The following LARGE1 variants were observed in gnomAD, a reference collection of about 807,000 sequenced individuals.
LARGE1 encodes the protein LARGE xylosyl- and glucuronyltransferase 1.
In LARGE1, 43 loss-of-function variants were observed where a neutral mutation model predicts 87.6. The ratio of observed to expected loss-of-function variants is 0.49; its 90% CI spans 0.38 to 0.63. The LOEUF is 0.63. LARGE1 is among the 30% of genes least tolerant of loss of function. The pLI, the probability that LARGE1 is intolerant of heterozygous loss-of-function variation, is 0.00. For synonymous variants in LARGE1, 434 were observed against 394.6 expected, an observed-to-expected ratio of 1.10 and a Z score of -1.18; for missense variants, 802 against 1,000.2, an observed-to-expected ratio of 0.80 and a Z score of 2.67.
At chr22:33,753,771 G>C (rs1384030716) in intron 2 of LARGE1, among the ~76,000 whole-genome samples, 1 of 152,148 alleles carries the variant, frequency 6.6e-6, no homozygotes, top group African/African-American at 2.4e-5. Context: ...AAGAAAAGTA[G>C]AGGTCAGGTC....
At chr22:33,651,240 A>AAAAAAAAAAAAAAAAAAAAAAAAAAAC (rs1218968780) in intron 2 of LARGE1, among the ~76,000 whole-genome samples, 1 of 144,194 alleles carries the variant, frequency 6.9e-6, no homozygotes, top group Non-Finnish European at 1.5e-5. Context: ...AAAAAAAAAA[A>AAAAAAAAAAAAAAAAAAAAAAAAAAAC]AATTAGCCGG....
intron 6 of LARGE1, among the ~76,000 whole-genome samples, chr22:33,558,791 T>C (rs1210239541): frequency 1.3e-5 from 2 of 152,228 alleles, no homozygotes; most frequent in Non-Finnish European, 2.9e-5. Flanking sequence ...TACTTCAATG[T>C]TCTTCATGTT....
chr22:33,287,556 T>A (rs1931771292), intron 12 of LARGE1, among the ~76,000 whole-genome samples: 1 of 152,218 alleles, frequency 6.6e-6, no homozygotes, highest in South Asian at 2.1e-4. Context: ...GTACAAACTC[T>A]GAGCTCATCT....
At chr22:33,514,293 C>CAG (rs1229092101) in intron 6 of LARGE1, among the ~76,000 whole-genome samples, 3 of 151,738 alleles carry the variant, frequency 2.0e-5, no homozygotes, top group Non-Finnish European at 4.4e-5. Context: ...CACACACACA[C>CAG]ACACACACAC....
At chr22:33,546,711 G>A (rs1776906001) in intron 6 of LARGE1, among the ~76,000 whole-genome samples, 1 of 152,146 alleles carries the variant, frequency 6.6e-6, no homozygotes, top group South Asian at 2.1e-4. Flanking sequence ...AGCCTCCCAA[G>A]TAGCTGGGAC....
At chr22:33,655,584 A>G (rs1473990450) in intron 2 of LARGE1, among the ~76,000 whole-genome samples, 1 of 152,130 alleles carries the variant, frequency 6.6e-6, no homozygotes, top group Non-Finnish European at 1.5e-5. Context: ...TACAATAAAC[A>G]TAGCTGTATA....
chr22:33,206,859 T>C (rs1446312479), intron 11 of LARGE1, among the ~76,000 whole-genome samples: 1 of 152,230 alleles, frequency 6.6e-6, no homozygotes, highest in Non-Finnish European at 1.5e-5. Flanking sequence ...GCTCCTCCTT[T>C]CCTGCTGCTT....
At chr22:33,409,607 C>T (rs552212067) in intron 7 of LARGE1, among the ~76,000 whole-genome samples, 19 of 150,436 alleles carry the variant, frequency 1.3e-4, no homozygotes, top group African/African-American at 3.9e-4. Context: ...AATAATAAAA[C>T]GAAATCCACT....
chr22:33,173,674 AAG>A (rs1002230904), intron 11 of LARGE1, among the ~76,000 whole-genome samples: 6 of 152,138 alleles, frequency 3.9e-5, no homozygotes, highest in African/African-American at 7.2e-5. Flanking sequence ...GAAAAAAAAA[AAG>A]CAGGGGTTGC....
chr22:33,385,348 G>A (rs1349823533), intron 7 of LARGE1, among the ~76,000 whole-genome samples: 1 of 146,896 alleles, frequency 6.8e-6, no homozygotes, highest in Non-Finnish European at 1.5e-5. Flanking sequence ...GGCCAACATG[G>A]TGAAACCCCA....
intron 7 of LARGE1, among the ~76,000 whole-genome samples, chr22:33,427,539 G>C (rs1469064244): frequency 1.3e-5 from 2 of 152,200 alleles, no homozygotes; most frequent in African/African-American, 4.8e-5. Context: ...GATAATTCAA[G>C]GAATTAACAA....
intron 12 of LARGE1, 79 bp downstream of exon 12, chr22:33,304,150 C>T: frequency 1.3e-6 from 2 of 1,522,760 alleles, no homozygotes; most frequent in East Asian, 2.3e-5. Context: ...AGATGATGAC[C>T]CTAAGGGCCT....
intron 1 of LARGE1, among the ~76,000 whole-genome samples, chr22:33,812,444 C>T (rs1217777860): frequency 6.6e-6 from 1 of 152,238 alleles, no homozygotes; most frequent in Non-Finnish European, 1.5e-5. Flanking sequence ...TCTCTCTTTG[C>T]ATACTGCGGT....
intron 6 of LARGE1, among the ~76,000 whole-genome samples, chr22:33,518,520 GC>G (rs749702073): frequency 4.1e-4 from 63 of 152,336 alleles, no homozygotes; most frequent in Non-Finnish European, 6.2e-4. Context: ...TGTTGGCCAG[GC>G]TGATCTCGAA....
chr22:33,876,668 G>A (rs1438312938), intron 1 of LARGE1, among the ~76,000 whole-genome samples: 1 of 151,806 alleles, frequency 6.6e-6, no homozygotes, highest in Non-Finnish European at 1.5e-5. Flanking sequence ...TGCGGGGCTA[G>A]GGGAGGGAGA....
intron 6 of LARGE1, among the ~76,000 whole-genome samples, chr22:33,537,884 T>C (rs528162825): frequency 6.6e-6 from 1 of 152,168 alleles, no homozygotes; most frequent in Non-Finnish European, 1.5e-5. Context: ...TACAGGGTAC[T>C]TTTTTACAGG....
chr22:33,814,724 A>G (rs2086598911), intron 1 of LARGE1, among the ~76,000 whole-genome samples: 1 of 150,586 alleles, frequency 6.6e-6, no homozygotes, highest in Non-Finnish European at 1.5e-5. Flanking sequence ...ATCAAGGTAT[A>G]TGTGTGTGTG....
At chr22:33,338,951 C>T (rs560682290) in intron 9 of LARGE1, among the ~76,000 whole-genome samples, 3 of 152,026 alleles carry the variant, frequency 2.0e-5, no homozygotes, top group Non-Finnish European at 2.9e-5. Context: ...AGTTCAAGAC[C>T]AGCCTGGCCA....
At chr22:33,808,697 A>T (rs189035288) in intron 1 of LARGE1, among the ~76,000 whole-genome samples, 1 of 152,328 alleles carries the variant, frequency 6.6e-6, no homozygotes, top group East Asian at 1.9e-4. Context: ...CTGGAGTTGC[A>T]CTTCTTTGAG....
Sources: allele counts gnomAD v4.1 joint callset (sites outside exome capture counted in the v4.1 genomes callset), GRCh38; gene constraint gnomAD v4.1.1; transcripts MANE v1.5; gene names NCBI Gene and HGNC (gene_info 2026-07-23, HGNC 2026-07-21).